Variants in C1orf167 observed in about 807,000 individuals in gnomAD.
C1orf167 encodes uncharacterized protein C1orf167.
Under a neutral mutation model 176.5 loss-of-function variants are expected in C1orf167, and 153 were observed. The ratio of observed to expected loss-of-function variants is 0.87; its 90% CI spans 0.76 to 0.99. The LOEUF is 0.99. Among genes scored for constraint, C1orf167 ranks in the 50% least tolerant of loss-of-function variants. C1orf167 has a pLI of 0.00. For missense variants in C1orf167, 1,490 were observed against 1,817.7 expected, an observed-to-expected ratio of 0.82 and a Z score of 3.28; for synonymous variants, 594 against 752.7, an observed-to-expected ratio of 0.79 and a Z score of 3.45.
Position 11,771,655 on chromosome 1 carries a change from G to C in C1orf167, c.1810+19G>C, listed in dbSNP as rs763721000. 188 of 1,285,968 alleles carry C rather than the reference G, an allele frequency of 1.5e-4. No homozygotes were observed. Among genetic ancestry groups the C allele is most frequent in the Non-Finnish European group, 1.9e-4 (185 of 985,560 alleles). The allele number at this position is 1,285,968 out of a possible 1,614,324, so 79.7% of individuals were successfully genotyped here. ...CTGGCTGGTGAGACGTGGGGTGCTG[G>C]GAAAGCGGGGAGATGGAGCCTGGCC... is the stretch of plus-strand genomic sequence containing the variant. On this transcript the variant is annotated intron_variant, in intron 7 of 20. Transcript: ENST00000688073.
chr1:11,764,563 A>G lies in C1orf167; in HGVS notation c.70+93A>G, dbSNP rs1184404342. On this transcript the variant is annotated intron_variant, in intron 2 of 20. Transcript: ENST00000688073. ...GCCCCCCTCCCAGGCAGGCCAGCCT[A>G]TAGGGCCTGGCTAATTCCAGAGATC... The G allele has an allele frequency of 4.4e-6, 5 of 1,123,618 alleles. No individual in the cohort carries two copies. The Admixed American group carries it at 7.1e-5, about 16-fold the overall frequency. The allele number at this position is 1,123,618 out of a possible 1,614,324, so 69.6% of individuals were successfully genotyped here.
At position 11,772,145 on chromosome 1, in the gene C1orf167, C is replaced by A. The variant is rs1643110252; in HGVS notation, c.1874C>A (p.Ala625Asp). 2 of 1,304,310 alleles carry A rather than the reference C, an allele frequency of 1.5e-6. No homozygotes were observed. Among genetic ancestry groups the A allele is most frequent in the South Asian group, 2.5e-5 (2 of 81,022 alleles). The allele number at this position is 1,304,310 out of a possible 1,614,324, so 80.8% of individuals were successfully genotyped here. The change falls in exon 8 of 21, where the codon GCC (alanine) becomes GAC (aspartate). Residue 625 changes from alanine (A) to aspartate (D), a missense_variant. Transcript: ENST00000688073. The part of the protein sequence containing the change: ...ARQERETLRK[A>D]TRATQRTGSF... The stretch of plus-strand genomic sequence containing the variant: ...CAGGAGAGGGAGACTCTGCGGAAGG[C>A]CACCAGGGCCACACAGAGGACAGGG...
intron 1 of C1orf167, among the ~76,000 whole-genome samples, chr1:11,763,968 G>C (rs1057101000): frequency 2.0e-4 from 31 of 152,348 alleles, no homozygotes; most frequent in African/African-American, 7.0e-4. Flanking sequence ...CAAGATGGGA[G>C]AGAGCTGGTT....
intron 6 of C1orf167, among the ~76,000 whole-genome samples, chr1:11,771,049 G>GTGTATA (rs1491322371): frequency 8.6e-5 from 3 of 34,912 alleles, no homozygotes; most frequent in African/African-American, 3.0e-4. Flanking sequence ...GTGTGTGTGT[G>GTGTATA]TATATATATA....
chr1:11,788,906 A>C (rs1263943917), intron 20 of C1orf167, 160 bp downstream of exon 20: 7 of 485,276 alleles, frequency 1.4e-5, no homozygotes, highest in Non-Finnish European at 2.4e-5. Flanking sequence ...CAGAACACAC[A>C]GGCTGGATGC....
intron 8 of C1orf167, among the ~76,000 whole-genome samples, chr1:11,775,170 T>TC (rs1211839554): frequency 3.6e-4 from 55 of 152,260 alleles, no homozygotes; most frequent in African/African-American, 1.2e-3. Context: ...ATGCTTGTAG[T>TC]CCCAGCTACT....
At position 11,767,089 on chromosome 1, in the gene C1orf167, G is replaced by A. The variant is rs1412273943; in HGVS notation, c.1299+4G>A. The A allele has an allele frequency of 8.0e-7, 1 of 1,245,616 alleles. No individual in the cohort carries two copies. Among genetic ancestry groups the A allele is most frequent in the East Asian group, 5.6e-5 (1 of 17,704 alleles). 77.2% of individuals were successfully genotyped at this position (1,245,616 alleles called of 1,614,324 possible). A position where few individuals can be genotyped will look rare whatever the true frequency, so the allele number is the denominator to read the frequency against. Reference sequence around the variant, plus strand: ...CCCAGCGAGCAGTGCGTCGAAGGTAGAGGCCCGGGGAGGCTGGAGGTGGGG... The same window carrying A: ...CCCAGCGAGCAGTGCGTCGAAGGTAAAGGCCCGGGGAGGCTGGAGGTGGGG... On this transcript the variant is annotated splice_donor_region_variant and intron_variant, in intron 3 of 20. Transcript: ENST00000688073.
intron 2 of C1orf167, among the ~76,000 whole-genome samples, chr1:11,765,538 G>A (rs926420645): frequency 2.0e-5 from 3 of 150,700 alleles, no homozygotes; most frequent in Admixed American, 6.7e-5. Flanking sequence ...CTCCATCTCT[G>A]AAGTTTATCT....
At chr1:11,784,047 G>C (rs1044059790) in intron 14 of C1orf167, 127 bp from the exon 15 acceptor site, 1 of 813,684 alleles carries the variant, frequency 1.2e-6, no homozygotes, top group Non-Finnish European at 1.7e-6. Context: ...TAATAGAGAC[G>C]GGGTTTCACC....
intron 13 of C1orf167, among the ~76,000 whole-genome samples, chr1:11,780,905 T>C (rs532750428): frequency 6.0e-5 from 9 of 150,842 alleles, no homozygotes; most frequent in African/African-American, 2.2e-4. Flanking sequence ...CTGAGGAATG[T>C]GGCCAGTGAA....
At chr1:11,787,078 T>C (rs1643892636) in intron 16 of C1orf167, 1 of 173,924 alleles carries the variant, frequency 5.7e-6, no homozygotes, top group African/African-American at 2.4e-5. Flanking sequence ...CTCTATAGGG[T>C]ACTAGCCGGG....
Position 11,766,411 on chromosome 1 carries a change from T to C in C1orf167, c.625T>C (p.Ser209Pro). ...RSWGGLGSWR[S>P]RLVGEPLTLE... The stretch of plus-strand genomic sequence containing the variant: ...CTGGGGTGGTCTGGGGAGCTGGAGG[T>C]CCAGGCTGGTGGGGGAACCTCTCAC... Residue 209 changes from serine (S) to proline (P), a missense_variant, in exon 3 of 21, where the codon TCC (serine) becomes CCC (proline). By Grantham distance (74) the Ser-to-Pro change is moderately conservative. Coordinates refer to ENST00000688073, the MANE Select transcript of C1orf167 (RefSeq NM_001010881.2). This position sits in a 1 kb window ranked among gnomAD's most constrained non-coding sequence, Gnocchi z 4.5. 1 of 1,277,864 alleles carries C rather than the reference T, an allele frequency of 7.8e-7. No homozygotes were observed. Among genetic ancestry groups the C allele is most frequent in the African/African-American group, 1.5e-5 (1 of 65,370 alleles). The allele number at this position is 1,277,864 out of a possible 1,614,324, so 79.2% of individuals were successfully genotyped here.
chr1:11,781,564 G>A (rs1330840253), intron 13 of C1orf167, among the ~76,000 whole-genome samples: 3 of 152,164 alleles, frequency 2.0e-5, no homozygotes, highest in Admixed American at 2.0e-4. Flanking sequence ...TTCCCCGGCA[G>A]GAACACTGAG....
At chr1:11,776,765 C>A in intron 10 of C1orf167, 127 bp downstream of exon 10, 1 of 907,272 alleles carries the variant, frequency 1.1e-6, no homozygotes, top group Non-Finnish European at 1.4e-6. Flanking sequence ...CATCCCACTC[C>A]TCCCCGTGGC....
chr1:11,786,234 GCCA>G (rs886281851), intron 16 of C1orf167: 2 of 152,214 alleles, frequency 1.3e-5, no homozygotes, highest in African/African-American at 4.8e-5. Context: ...GGGGGAAGAA[GCCA>G]CCACCAAACC....
chr1:11,768,740 G>A lies in C1orf167; in HGVS notation c.1543-233G>A, dbSNP rs911259195. The stretch of plus-strand genomic sequence containing the variant: ...AGGGGTGCTCTGAGAGGGTCCAGTC[G>A]CAGCTTTCATCTTTTAAGGAAAGCG... On this transcript the variant is annotated intron_variant, in intron 5 of 20. Transcript: ENST00000688073. The surrounding 1 kb of genome is among the most constrained non-coding windows in gnomAD (Gnocchi z 4.5). 1.1e-4 allele frequency among the ~76,000 whole-genome samples: 16 copies of A among 152,124 alleles called. No individual in the cohort carries two copies. The highest frequency in any genetic ancestry group is 1.9e-4 in the East Asian group (1 of 5,192).
intron 12 of C1orf167, 155 bp from the exon 13 acceptor site, chr1:11,779,647 C>A: frequency 2.1e-6 from 1 of 485,282 alleles, no homozygotes; most frequent in Non-Finnish European, 3.4e-6. Context: ...CTTGGCCCCT[C>A]CAGTCCCCAG....
At position 11,766,996 on chromosome 1, in the gene C1orf167, G is replaced by C; in HGVS notation, c.1210G>C (p.Glu404Gln). The C allele has an allele frequency of 8.3e-7, 1 of 1,209,288 alleles. No homozygotes were observed. The highest frequency in any genetic ancestry group is 1.1e-6 in the Non-Finnish European group (1 of 950,296). 74.9% of individuals were successfully genotyped at this position (1,209,288 alleles called of 1,614,324 possible). A position where few individuals can be genotyped will look rare whatever the true frequency, so the allele number is the denominator to read the frequency against. ...WGVSPKQKGE[E>Q]GAPRERVHRE... Reference sequence around the variant, plus strand: ...AGTCTCACCCAAGCAGAAAGGAGAGGAGGGGGCCCCGAGGGAGCGGGTCCA... The same window carrying C: ...AGTCTCACCCAAGCAGAAAGGAGAGCAGGGGGCCCCGAGGGAGCGGGTCCA... Residue 404 changes from glutamate (E) to glutamine (Q), a missense_variant, in exon 3 of 21, where the codon GAG (glutamate) becomes CAG (glutamine). By Grantham distance (29) the Glu-to-Gln change is conservative. Coordinates refer to ENST00000688073, the MANE Select transcript of C1orf167 (RefSeq NM_001010881.2). This position sits in a 1 kb window ranked among gnomAD's most constrained non-coding sequence, Gnocchi z 4.5.
intron 1 of C1orf167, 80 bp downstream of exon 1, chr1:11,762,385 A>C (rs1212746853): frequency 2.6e-5 from 9 of 347,936 alleles, no homozygotes; most frequent in Admixed American, 3.8e-5. Flanking sequence ...GAGCCCCCTT[A>C]AGTGGACAGG....
Sources: allele counts gnomAD v4.1 joint callset (sites outside exome capture counted in the v4.1 genomes callset), GRCh38; gene constraint gnomAD v4.1.1; non-coding constraint Gnocchi (gnomAD v3.1); transcripts MANE v1.5; gene names NCBI Gene and HGNC (gene_info 2026-07-23, HGNC 2026-07-21).